ZNF385D: variants seen among roughly 807,000 people sequenced by gnomAD.
ZNF385D encodes zinc finger protein 385D, also known as zinc finger protein 659.
In ZNF385D, 15 loss-of-function variants were observed where a neutral mutation model predicts 35.8. The observed-to-expected ratio is 0.42, with a 90% CI of 0.28 to 0.64. ZNF385D has a LOEUF of 0.64. ZNF385D is among the 30% of genes least tolerant of loss of function. The pLI is 0.23. For synonymous variants in ZNF385D, 212 were observed against 186.8 expected (o/e 1.13, Z -1.10); for missense variants, 474 against 494.6 (o/e 0.96, Z 0.39).
intron 2 of ZNF385D, among the ~76,000 whole-genome samples, chr3:21,595,669 T>C (rs2064109613): frequency 6.6e-6 from 1 of 152,162 alleles, no homozygotes; most frequent in Non-Finnish European, 1.5e-5. Context: ...CCATGTTCAA[T>C]GTGATCTAGC....
At chr3:21,887,917 G>GT (rs1559725103) in intron 3 of ZNF385D, among the ~76,000 whole-genome samples, 1 of 152,004 alleles carries the variant, frequency 6.6e-6, no homozygotes, top group African/African-American at 2.4e-5. Flanking sequence ...TTTTAAATGG[G>GT]TTACACATGT....
chr3:22,318,076 A>C (rs1400801945), intron 2 of ZNF385D, among the ~76,000 whole-genome samples: 1 of 151,858 alleles, frequency 6.6e-6, no homozygotes, highest in Non-Finnish European at 1.5e-5. Flanking sequence ...AAAAAAAAAA[A>C]TGTGAATTAG....
At chr3:21,819,143 TA>T (rs906826290) in intron 3 of ZNF385D, among the ~76,000 whole-genome samples, 26 of 151,638 alleles carry the variant, frequency 1.7e-4, no homozygotes, top group African/African-American at 6.3e-4. Flanking sequence ...TCACTAAAAA[TA>T]GTCATGAAAT....
chr3:22,241,129 C>A (rs531752765), intron 2 of ZNF385D, among the ~76,000 whole-genome samples: 1 of 151,080 alleles, frequency 6.6e-6, no homozygotes, highest in Non-Finnish European at 1.5e-5. Flanking sequence ...AATAAATTAT[C>A]CTTATTGTAT....
chr3:21,606,873 A>G (rs562184905), intron 2 of ZNF385D, among the ~76,000 whole-genome samples: 51 of 152,144 alleles, frequency 3.4e-4, no homozygotes, highest in African/African-American at 1.2e-3. Flanking sequence ...GGTCAAAACT[A>G]TTTTCTTCTG....
At chr3:21,578,970 A>G (rs2063573655) in intron 2 of ZNF385D, among the ~76,000 whole-genome samples, 1 of 152,176 alleles carries the variant, frequency 6.6e-6, no homozygotes, top group African/African-American at 2.4e-5. Flanking sequence ...TTTAATTTGA[A>G]CACTGTAGAG....
At chr3:22,071,657 T>C (rs1700234185) in intron 3 of ZNF385D, among the ~76,000 whole-genome samples, 1 of 152,176 alleles carries the variant, frequency 6.6e-6, no homozygotes, top group Admixed American at 6.6e-5. Flanking sequence ...AAAATATCCC[T>C]GATTATTTGA....
At chr3:22,059,595 G>T (rs369915824) in intron 3 of ZNF385D, among the ~76,000 whole-genome samples, 1 of 152,170 alleles carries the variant, frequency 6.6e-6, no homozygotes, top group East Asian at 1.9e-4. Context: ...TGTGAATCTG[G>T]AAACATTCCC....
intron 3 of ZNF385D, among the ~76,000 whole-genome samples, chr3:21,997,995 A>G (rs1576117854): frequency 6.6e-6 from 1 of 152,094 alleles, no homozygotes; most frequent in East Asian, 1.9e-4. Context: ...TCAAAACAGG[A>G]TGTAGCAAAG....
At chr3:21,934,939 T>G (rs1701188730) in intron 3 of ZNF385D, among the ~76,000 whole-genome samples, 1 of 152,200 alleles carries the variant, frequency 6.6e-6, no homozygotes, top group African/African-American at 2.4e-5. Flanking sequence ...ATATATTAGC[T>G]ATGTCTTAGT....
At chr3:22,078,043 A>T (rs1401645874) in intron 3 of ZNF385D, among the ~76,000 whole-genome samples, 5 of 152,010 alleles carry the variant, frequency 3.3e-5, no homozygotes, top group Non-Finnish European at 7.4e-5. Flanking sequence ...AACTGAAGAC[A>T]ATCTATCTTA....
chr3:21,928,958 C>T (rs973317620), intron 3 of ZNF385D, among the ~76,000 whole-genome samples: 1 of 152,106 alleles, frequency 6.6e-6, no homozygotes, highest in Non-Finnish European at 1.5e-5. Flanking sequence ...AAGGTGAGAA[C>T]ATTTAACAAC....
At chr3:21,799,801 A>C (rs948049382) in intron 3 of ZNF385D, among the ~76,000 whole-genome samples, 20 of 152,110 alleles carry the variant, frequency 1.3e-4, no homozygotes, top group African/African-American at 4.6e-4. Context: ...TTTACTTTTG[A>C]AACGATATGT....
In ZNF385D at chr3:21,695,548, T is replaced by C. The variant is rs80118801; in HGVS notation, c.23-30520A>G. On this transcript the variant is annotated intron_variant, in intron 1 of 7. Transcript: ENST00000281523. ...ACTGACCAATAGCCCATCCAGCTAA[T>C]GCCAGGTCTCTTTCTCAGATAATGC... Among the ~76,000 whole-genome samples the C allele has an allele frequency of 2.8e-4, 43 of 152,294 alleles. No homozygotes were observed. The East Asian group carries it at 7.5e-3, about 27-fold the overall frequency.
At chr3:21,514,603 C>T (rs986250242) in intron 3 of ZNF385D, among the ~76,000 whole-genome samples, 1 of 151,966 alleles carries the variant, frequency 6.6e-6, no homozygotes, top group Non-Finnish European at 1.5e-5. Flanking sequence ...AGGCAGCCAA[C>T]GGTTCAAACC....
intron 3 of ZNF385D, among the ~76,000 whole-genome samples, chr3:21,803,987 T>A (rs1478437100): frequency 1.3e-5 from 2 of 152,222 alleles, no homozygotes; most frequent in Non-Finnish European, 2.9e-5. Context: ...TAGTTTCATA[T>A]CATGTTTACA....
At chr3:21,908,403 A>C (rs967009654) in intron 3 of ZNF385D, among the ~76,000 whole-genome samples, 2 of 152,138 alleles carry the variant, frequency 1.3e-5, no homozygotes, top group African/African-American at 2.4e-5. Flanking sequence ...CTATTCATTC[A>C]TACCAAAAAG....
intron 3 of ZNF385D, among the ~76,000 whole-genome samples, chr3:22,083,732 C>T (rs1700883792): frequency 6.6e-6 from 1 of 152,110 alleles, no homozygotes; most frequent in Admixed American, 6.6e-5. Flanking sequence ...ATACAGAGAA[C>T]ACCACAAAGA....
chr3:21,501,964 TAAAG>T (rs147043910), intron 4 of ZNF385D, among the ~76,000 whole-genome samples: 1,697 of 152,250 alleles, frequency 0.011, 29 homozygotes, highest in African/African-American at 0.039. Context: ...AAATCTCTGG[TAAAG>T]AAAGACAGTC....
Sources: allele counts gnomAD v4.1 joint callset (sites outside exome capture counted in the v4.1 genomes callset), GRCh38; gene constraint gnomAD v4.1.1; transcripts MANE v1.5; gene names NCBI Gene and HGNC (gene_info 2026-07-23, HGNC 2026-07-21).